B4GALT6: variants seen among roughly 807,000 people sequenced by gnomAD.
B4GALT6 encodes the protein beta-1,4-galactosyltransferase 6, also known as UDP-Gal:beta-GlcNAc beta-1,4-galactosyltransferase 6.
A neutral mutation model predicts 46.3 loss-of-function variants in B4GALT6; 14 were observed. The observed-to-expected ratio is 0.30, with a 90% CI of 0.20 to 0.47. The LOEUF (loss-of-function observed/expected upper bound fraction) is 0.47, where lower values mean the gene tolerates loss of function less well. Ranked by LOEUF, B4GALT6 falls within the 20% of genes least tolerant of loss-of-function variation. The pLI is 0.99. For synonymous variants in B4GALT6, 168 were observed against 162.0 expected (o/e 1.04, Z -0.28); for missense variants, 386 against 480.1 (o/e 0.80, Z 1.83).
At chr18:31,656,668 A>AT (rs918893546) in intron 3 of B4GALT6, among the ~76,000 whole-genome samples, 2 of 152,174 alleles carry the variant, frequency 1.3e-5, no homozygotes, top group Admixed American at 1.3e-4. Context: ...ACCAAAAAAA[A>AT]GCAAAACACC....
chr18:31,629,312 T>A (rs2073744107), intron 6 of B4GALT6, among the ~76,000 whole-genome samples: 4 of 152,062 alleles, frequency 2.6e-5, no homozygotes, highest in Admixed American at 2.6e-4. Context: ...CTGTAACCCC[T>A]GCATTACTCA....
At chr18:31,629,482 T>TG (rs2073750149) in intron 6 of B4GALT6, among the ~76,000 whole-genome samples, 1 of 127,434 alleles carries the variant, frequency 7.8e-6, no homozygotes, top group Non-Finnish European at 1.6e-5. Context: ...TTTTTTTTTT[T>TG]TGTGAAAATC....
At chr18:31,652,591 T>A (rs2074085427) in intron 3 of B4GALT6, among the ~76,000 whole-genome samples, 3 of 152,168 alleles carry the variant, frequency 2.0e-5, no homozygotes, top group Admixed American at 6.5e-5. Flanking sequence ...AGACCCCAAG[T>A]TAACCCTCTT....
chr18:31,690,727 T>C (rs1006594710), upstream of B4GALT6, among the ~76,000 whole-genome samples: 1 of 152,048 alleles, frequency 6.6e-6, no homozygotes, highest in African/African-American at 2.4e-5. Flanking sequence ...TGCCTTGGCC[T>C]CCCAAAGTGC....
At chr18:31,694,653 T>A in the B4GALT6 span, among the ~76,000 whole-genome samples, 1 of 152,256 alleles carries the variant, frequency 6.6e-6, no homozygotes, top group South Asian at 2.1e-4. Context: ...CCATTATTAC[T>A]GAGTTATAAT....
rs557017920 is a variant in B4GALT6, at chr18:31,647,566, G to A, written c.347-2087C>T. 3.9e-4 allele frequency among the ~76,000 whole-genome samples: 60 copies of A among 152,264 alleles called. 1 individual carries two copies. The South Asian group carries it at 9.8e-3, about 25-fold the overall frequency. On this transcript the variant is annotated intron_variant, in intron 3 of 8. Transcript: ENST00000306851. Reference sequence around the variant, plus strand: ...AAATCCTAGTAATTTGCTCATTGAAGGCTAAAGATTGACCTGGTGGCATGC... The same window carrying A: ...AAATCCTAGTAATTTGCTCATTGAAAGCTAAAGATTGACCTGGTGGCATGC...
At chr18:31,701,112 C>T in the B4GALT6 span, among the ~76,000 whole-genome samples, 1 of 152,184 alleles carries the variant, frequency 6.6e-6, no homozygotes, top group Non-Finnish European at 1.5e-5. Context: ...GCCCACATCT[C>T]ATGTTGAATC....
At chr18:31,712,485 T>C in the B4GALT6 span, among the ~76,000 whole-genome samples, 5 of 151,886 alleles carry the variant, frequency 3.3e-5, no homozygotes, top group East Asian at 7.7e-4. Context: ...GTATTTTTAG[T>C]AGAGAGGGGG....
intron 5 of B4GALT6, among the ~76,000 whole-genome samples, chr18:31,632,262 A>AT (rs1191882024): frequency 2.0e-5 from 3 of 152,138 alleles, no homozygotes; most frequent in Non-Finnish European, 4.4e-5. Flanking sequence ...AAGTCATTTT[A>AT]TTTTTTACAG....
intron 6 of B4GALT6, among the ~76,000 whole-genome samples, chr18:31,628,810 A>G (rs1470808275): frequency 2.6e-5 from 4 of 152,190 alleles, no homozygotes; most frequent in Non-Finnish European, 4.4e-5. Context: ...CAATCCAGGG[A>G]CTAGTCTAGA....
intron 8 of B4GALT6, 143 bp downstream of exon 8, chr18:31,626,140 G>T: frequency 1.9e-6 from 1 of 530,250 alleles, no homozygotes; most frequent in Non-Finnish European, 3.3e-6. Flanking sequence ...CTTTTGTAAA[G>T]ATTCCCTTCA....
intron 3 of B4GALT6, among the ~76,000 whole-genome samples, chr18:31,657,270 C>T (rs1460315898): frequency 6.6e-6 from 1 of 151,712 alleles, no homozygotes; most frequent in East Asian, 1.9e-4. Context: ...CCTAAATGTT[C>T]ATCAGTGGGG....
chr18:31,723,034 C>G, the B4GALT6 span, among the ~76,000 whole-genome samples: 1 of 152,190 alleles, frequency 6.6e-6, no homozygotes. Context: ...GTTTTCACTG[C>G]AGGCTGCAGC....
intron 1 of B4GALT6, among the ~76,000 whole-genome samples, chr18:31,675,910 T>C (rs550965899): frequency 6.6e-6 from 1 of 152,284 alleles, no homozygotes; most frequent in African/African-American, 2.4e-5. Context: ...TCCAATTTAC[T>C]TGTGTTTTCA....
chr18:31,634,281 A>C (rs1333113523), intron 5 of B4GALT6, among the ~76,000 whole-genome samples: 1 of 152,232 alleles, frequency 6.6e-6, no homozygotes, highest in Non-Finnish European at 1.5e-5. Flanking sequence ...AAACTGGAAA[A>C]AGTTTCTACA....
upstream of B4GALT6, among the ~76,000 whole-genome samples, chr18:31,689,906 T>C (rs1185846946): frequency 1.3e-5 from 2 of 152,076 alleles, no homozygotes; most frequent in Non-Finnish European, 2.9e-5. Context: ...AGAGAGAAAG[T>C]TCGTAAACTT....
intron 8 of B4GALT6, among the ~76,000 whole-genome samples, 195 bp from the exon 9 acceptor site, chr18:31,625,956 G>A (rs2073690832): frequency 6.6e-6 from 1 of 152,044 alleles, no homozygotes; most frequent in South Asian, 2.1e-4. Context: ...AATGCCACCT[G>A]AAAAAATTAT....
chr18:31,655,291 T>TGGCCACCAC (rs1417313762), intron 3 of B4GALT6, among the ~76,000 whole-genome samples: 1 of 152,250 alleles, frequency 6.6e-6, no homozygotes, highest in Admixed American at 6.5e-5. Context: ...CTTGCCACCA[T>TGGCCACCAC]GGCCACCACG....
At chr18:31,692,747 A>G in the B4GALT6 span, among the ~76,000 whole-genome samples, 1 of 152,176 alleles carries the variant, frequency 6.6e-6, no homozygotes, top group Non-Finnish European at 1.5e-5. Context: ...TATAAAAATT[A>G]TTGTTATTTG....
Sources: gnomAD v4.1 joint callset for allele counts (sites outside exome capture counted in the v4.1 genomes callset) on GRCh38, gnomAD v4.1.1 for gene constraint, MANE v1.5 for transcripts, NCBI Gene and HGNC (gene_info 2026-07-23, HGNC 2026-07-21) for gene names.